NTM: variants seen among roughly 807,000 people sequenced by gnomAD.
NTM encodes neurotrimin.
Under a neutral mutation model 42.1 loss-of-function variants are expected in NTM, and 13 were observed. The observed-to-expected ratio is 0.31, with a 90% CI of 0.20 to 0.49. NTM has a LOEUF of 0.49. NTM is among the 20% of genes least tolerant of loss of function. NTM has a pLI of 0.99. For missense variants in NTM, 373 were observed against 452.8 expected (o/e 0.82, Z 1.60); for synonymous variants, 187 against 179.2 (o/e 1.04, Z -0.35).
chr11:131,531,313 T>TG (rs1028560007), intron 1 of NTM, among the ~76,000 whole-genome samples: 5 of 151,864 alleles, frequency 3.3e-5, no homozygotes, highest in East Asian at 1.9e-4. Flanking sequence ...TAATTTTTTT[T>TG]GGGGGGGAGG....
At chr11:132,252,702 T>G (rs2092081255) in intron 4 of NTM, among the ~76,000 whole-genome samples, 1 of 152,174 alleles carries the variant, frequency 6.6e-6, no homozygotes, top group African/African-American at 2.4e-5. Flanking sequence ...TGGGTCTTTT[T>G]GTCCTGATAT....
chr11:131,931,382 T>C (rs2058582223), intron 2 of NTM, among the ~76,000 whole-genome samples: 1 of 151,394 alleles, frequency 6.6e-6, no homozygotes, highest in Admixed American at 6.6e-5. Context: ...GAGGCTACAG[T>C]GAACCGAGAT....
intron 4 of NTM, among the ~76,000 whole-genome samples, chr11:132,270,483 C>T (rs2093423214): frequency 6.6e-6 from 1 of 152,070 alleles, no homozygotes; most frequent in Admixed American, 6.6e-5. Flanking sequence ...CCGATCTTGG[C>T]CTCCCAAATT....
At chr11:131,376,774 C>T (rs914591028) in intron 1 of NTM, among the ~76,000 whole-genome samples, 5 of 151,812 alleles carry the variant, frequency 3.3e-5, no homozygotes, top group East Asian at 3.9e-4. Context: ...CAAATTCACT[C>T]GCTAGTGGTG....
chr11:132,165,208 G>T (rs1253480673), intron 3 of NTM, among the ~76,000 whole-genome samples: 1 of 152,056 alleles, frequency 6.6e-6, no homozygotes, highest in East Asian at 1.9e-4. Flanking sequence ...AAATCATCTT[G>T]CCCCACCTCC....
intron 1 of NTM, among the ~76,000 whole-genome samples, chr11:131,809,331 TAA>T (rs1428118047): frequency 6.6e-6 from 1 of 152,230 alleles, no homozygotes; most frequent in African/African-American, 2.4e-5. Flanking sequence ...GGCAGCTGAT[TAA>T]CACTGCCTGT....
intron 4 of NTM, among the ~76,000 whole-genome samples, chr11:132,277,299 CTT>C (rs1466342693): frequency 2.0e-5 from 3 of 152,248 alleles, no homozygotes; most frequent in Admixed American, 6.5e-5. Flanking sequence ...AAGTTAATGA[CTT>C]TGCCTTGACT....
chr11:131,923,775 C>A (rs1449837940), intron 2 of NTM, among the ~76,000 whole-genome samples: 1 of 152,158 alleles, frequency 6.6e-6, no homozygotes, highest in Admixed American at 6.5e-5. Context: ...GTTAACCTTT[C>A]TTTATTAAGA....
chr11:131,816,357 C>A (rs757431622), intron 1 of NTM, among the ~76,000 whole-genome samples: 5 of 152,102 alleles, frequency 3.3e-5, no homozygotes, highest in Non-Finnish European at 5.9e-5. Context: ...TAACAGTCAA[C>A]CCCTTAGATT....
At chr11:132,257,637 C>G (rs992198931) in intron 4 of NTM, among the ~76,000 whole-genome samples, 1 of 152,206 alleles carries the variant, frequency 6.6e-6, no homozygotes, top group African/African-American at 2.4e-5. Context: ...TGGGATAACT[C>G]TTCTTCACAC....
chr11:131,841,155 T>C (rs2044191121), intron 1 of NTM, among the ~76,000 whole-genome samples: 1 of 152,208 alleles, frequency 6.6e-6, no homozygotes. Context: ...GTTCCTCTCC[T>C]CAAAGTCCTG....
chr11:131,525,496 G>A (rs1229469107), intron 1 of NTM, among the ~76,000 whole-genome samples: 1 of 152,204 alleles, frequency 6.6e-6, no homozygotes, highest in Non-Finnish European at 1.5e-5. Context: ...ATTTAGCACA[G>A]TCGGGGTGGG....
At chr11:131,726,359 C>T (rs1427074064) in intron 1 of NTM, among the ~76,000 whole-genome samples, 2 of 144,902 alleles carry the variant, frequency 1.4e-5, no homozygotes, top group Non-Finnish European at 2.9e-5. Flanking sequence ...CTTGGTTCTC[C>T]CTGTGGTCCA....
At chr11:132,107,858 G>A (rs2062611187) in intron 2 of NTM, among the ~76,000 whole-genome samples, 1 of 152,062 alleles carries the variant, frequency 6.6e-6, no homozygotes, top group South Asian at 2.1e-4. Context: ...TCATGCTAAA[G>A]ACTTCATCCT....
chr11:132,187,421 C>A (rs948975811), intron 3 of NTM, among the ~76,000 whole-genome samples: 1 of 152,140 alleles, frequency 6.6e-6, no homozygotes, highest in Non-Finnish European at 1.5e-5. Context: ...TAGGGTGAAA[C>A]GCCTGCTCAG....
intron 2 of NTM, among the ~76,000 whole-genome samples, chr11:132,020,800 C>T (rs996029253): frequency 6.6e-6 from 1 of 151,704 alleles, no homozygotes; most frequent in Non-Finnish European, 1.5e-5. Context: ...GGATGGCTAT[C>T]AATTAATTTT....
intron 1 of NTM, among the ~76,000 whole-genome samples, chr11:131,457,518 C>G (rs574412148): frequency 6.6e-6 from 1 of 152,050 alleles, no homozygotes; most frequent in Non-Finnish European, 1.5e-5. Context: ...GGGGGTTATT[C>G]CATTTGCCGA....
intron 4 of NTM, among the ~76,000 whole-genome samples, chr11:132,266,407 C>T (rs990423181): frequency 1.3e-5 from 2 of 152,160 alleles, no homozygotes; most frequent in Non-Finnish European, 2.9e-5. Flanking sequence ...TCATTACAAC[C>T]TCAGAGCAGT....
At chr11:131,721,724 C>T (rs1162928903) in intron 1 of NTM, among the ~76,000 whole-genome samples, 2 of 152,012 alleles carry the variant, frequency 1.3e-5, no homozygotes, top group African/African-American at 4.8e-5. Flanking sequence ...GGGCCAGGAG[C>T]AGTGGCTCAC....
Sources: allele counts gnomAD v4.1 joint callset (sites outside exome capture counted in the v4.1 genomes callset), GRCh38; gene constraint gnomAD v4.1.1; transcripts MANE v1.5; gene names NCBI Gene and HGNC (gene_info 2026-07-23, HGNC 2026-07-21).